Variants in GAK observed in about 807,000 individuals in gnomAD.
GAK encodes the protein cyclin G associated kinase.
GAK carries 79 observed loss-of-function variants against 143.9 expected under a neutral mutation model. The ratio of observed to expected loss-of-function variants is 0.55; its 90% CI spans 0.46 to 0.66. The LOEUF is 0.66. GAK is among the 30% of genes least tolerant of loss of function. GAK has a pLI of 0.00. For synonymous variants in GAK, 881 were observed against 765.5 expected (o/e 1.15, Z -2.49); for missense variants, 1,693 against 1,779.7 (o/e 0.95, Z 0.88).
At position 907,879 on chromosome 4, in the gene GAK, G is replaced by A. The variant is rs540274414; in HGVS notation, c.383-3100C>T. On this transcript the variant is annotated intron_variant, in intron 4 of 27. Transcript: ENST00000314167. ...AGTCCCCAGGAGTGAGCTGGCGCGC[G>A]CATGCGTTAGTCTGCCTCGTGTATT... is the stretch of plus-strand genomic sequence containing the variant. Among the ~76,000 whole-genome samples, 493 of 152,292 alleles carry A rather than the reference G, an allele frequency of 3.2e-3. 7 individuals are homozygous for A. The highest frequency in any genetic ancestry group is 0.012 in the African/African-American group (479 of 41,580).
At chr4:899,698 G>C (rs1719495854) in intron 5 of GAK, among the ~76,000 whole-genome samples, 1 of 152,224 alleles carries the variant, frequency 6.6e-6, no homozygotes, top group Non-Finnish European at 1.5e-5. Context: ...TGGCATCCAA[G>C]AGTGCAAGGG....
At chr4:925,906 CACAG>C in intron 1 of GAK, among the ~76,000 whole-genome samples, 1 of 152,202 alleles carries the variant, frequency 6.6e-6, no homozygotes, top group Non-Finnish European at 1.5e-5. Flanking sequence ...TGCGCACCCA[CACAG>C]ACAACCATGA....
At chr4:892,439 A>C (rs1419217279) in intron 9 of GAK, among the ~76,000 whole-genome samples, 2 of 152,152 alleles carry the variant, frequency 1.3e-5, no homozygotes, top group Non-Finnish European at 2.9e-5. Flanking sequence ...TGCCTCGAGG[A>C]TCTGGTGATG....
intron 1 of GAK, among the ~76,000 whole-genome samples, chr4:930,643 T>C (rs913706915): frequency 3.3e-5 from 5 of 151,798 alleles, no homozygotes; most frequent in Non-Finnish European, 7.4e-5. Flanking sequence ...AATAAACTTC[T>C]TAAAGAATGA....
chr4:864,806 G>A (rs1334708854), intron 23 of GAK, among the ~76,000 whole-genome samples: 1 of 152,232 alleles, frequency 6.6e-6, no homozygotes, highest in East Asian at 1.9e-4. Context: ...AGAGTGTGGG[G>A]CATGAAATCG....
At chr4:872,248 C>T (rs2152771334) in intron 18 of GAK, 1 of 152,434 alleles carries the variant, frequency 6.6e-6, no homozygotes, top group East Asian at 1.9e-4. Context: ...CCTGTGCCCG[C>T]CCTGAGGGGT....
At chr4:881,119 G>A (rs760383071) in intron 15 of GAK, among the ~76,000 whole-genome samples, 44 of 152,200 alleles carry the variant, frequency 2.9e-4, no homozygotes, top group Non-Finnish European at 4.3e-4. Context: ...CCCTCGCCCC[G>A]TCCACAGGCT....
At chr4:854,796 A>G (rs1449878540) in intron 24 of GAK, among the ~76,000 whole-genome samples, 7 of 152,244 alleles carry the variant, frequency 4.6e-5, no homozygotes, top group Non-Finnish European at 1.0e-4. Flanking sequence ...CTGTAATCCC[A>G]GCACTTTGGG....
rs371596915 is a variant in GAK at position 868,622 on chromosome 4, G to T, written c.2312C>A (p.Pro771Gln). The T allele has an allele frequency of 6.3e-7, 1 of 1,578,894 alleles. No homozygotes were observed. Among genetic ancestry groups the T allele is most frequent in the Admixed American group, 1.8e-5 (1 of 54,976 alleles). Residue 771 changes from proline (P) to glutamine (Q), a missense_variant, in exon 20 of 28, where the codon CCG becomes CAG. Pro to Gln is a moderately conservative substitution (Grantham distance 76). This residue lies in a region of GAK where 822 missense variants were observed against 788.7 expected (regional missense o/e 1.04). Transcript: ENST00000314167. Reference protein sequence around the residue: ...TAQYDAGAGSPEAEPTDSDSP... With the variant: ...TAQYDAGAGSQEAEPTDSDSP... ...GTCAGAGTCTGTGGGTTCGGCTTCC[G>T]GGGACCCTGCCCCAGCATCATACTG...
At chr4:915,252 G>A (rs62297086) in intron 1 of GAK, among the ~76,000 whole-genome samples, 48,577 of 151,868 alleles carry the variant, frequency 0.32, 7,845 homozygotes, top group Non-Finnish European at 0.34. Context: ...CAGCGTGCGC[G>A]GCCCCAGTGC....
intron 1 of GAK, among the ~76,000 whole-genome samples, chr4:923,461 G>C (rs1271173979): frequency 1.3e-5 from 2 of 152,082 alleles, no homozygotes; most frequent in Non-Finnish European, 2.9e-5. Flanking sequence ...TTGAGCCCAG[G>C]AGTTCTGAGA....
Position 867,059 on chromosome 4 carries a change from C to G in GAK, c.2769G>C (p.Gln923His). ...CGCTGAGCAGATCCTCCGGGGGCCC[C>G]TGGGAGGCGGCCTCAGGGGGCCCAA... ...CLLGPPEAAS[Q>H]GPPEDLLSED... Residue 923 changes from glutamine (Q) to histidine (H), a missense_variant, in exon 21 of 28, where the codon CAG becomes CAC. Physicochemically the swap from Gln to His is conservative, Grantham distance 24. Around this residue, in one of 2 missense-constraint regions of GAK, gnomAD observed 822 missense variants for 788.7 expected, o/e 1.04. Transcript: ENST00000314167. 6.6e-7 allele frequency: 1 copy of G among 1,526,054 alleles called. No individual in the cohort carries two copies. Among genetic ancestry groups the G allele is most frequent in the Non-Finnish European group, 8.8e-7 (1 of 1,137,364 alleles). 94.5% of individuals were successfully genotyped at this position (1,526,054 alleles called of 1,614,324 possible).
chr4:897,920 G>C (rs1303488872), intron 6 of GAK, 113 bp downstream of exon 6: 9 of 1,271,406 alleles, frequency 7.1e-6, no homozygotes, highest in Non-Finnish European at 9.5e-6. Flanking sequence ...CTGCACTCCA[G>C]CCTGGTGACA....
At chr4:877,051 G>A (rs942167347) in intron 17 of GAK, 39 bp downstream of exon 17, 13 of 1,402,202 alleles carry the variant, frequency 9.3e-6, no homozygotes, top group African/African-American at 2.8e-5. Flanking sequence ...GAGCCTAGGC[G>A]TGAGTGGGGA....
In GAK at chr4:893,921, G is replaced by T. The variant is rs760610274; in HGVS notation, c.830C>A (p.Ser277Ter). 6.2e-7 allele frequency: 1 copy of T among 1,612,508 alleles called. No individual in the cohort carries two copies. Among genetic ancestry groups the T allele is most frequent in the Non-Finnish European group, 8.5e-7 (1 of 1,179,464 alleles). The change falls in exon 8 of 28, where the codon TCG becomes TAG. Residue 277 changes from serine to a stop codon, truncating the protein, a stop_gained. Transcript: ENST00000314167. LOFTEE classifies it high-confidence loss of function. ...GTACTGCGTGTCGTGCGGGGGGATC[G>T]AGTACTTCCCATTGACTATTCGAAG... ...AKLRIVNGKY[S>*]IPPHDTQYTV...
intron 11 of GAK, 145 bp downstream of exon 11, chr4:888,702 G>A: frequency 3.2e-6 from 3 of 936,818 alleles, no homozygotes; most frequent in East Asian, 2.7e-5. Flanking sequence ...CTCCCTGGGA[G>A]AAGCGGGTGA....
At chr4:905,443 C>T (rs879562379) in intron 4 of GAK, among the ~76,000 whole-genome samples, 19 of 150,924 alleles carry the variant, frequency 1.3e-4, no homozygotes, top group East Asian at 3.9e-4. Flanking sequence ...TGCCACGCCG[C>T]GCCACGCTAG....
chr4:911,996 C>A (rs908989328), intron 3 of GAK: 3 of 514,064 alleles, frequency 5.8e-6, no homozygotes, highest in African/African-American at 1.9e-5. Context: ...CAGGAGAGGG[C>A]GGGGACAAAG....
At chr4:873,832 G>C (rs1013311797) in intron 18 of GAK, among the ~76,000 whole-genome samples, 1 of 152,190 alleles carries the variant, frequency 6.6e-6, no homozygotes, top group South Asian at 2.1e-4. Context: ...TTTTGTGTGA[G>C]CTTGGTTTTT....
Sources: gnomAD v4.1 joint callset for allele counts (sites outside exome capture counted in the v4.1 genomes callset) on GRCh38, gnomAD v4.1.1 for gene constraint, gnomAD v4.1.1 regional missense constraint, MANE v1.5 for transcripts, NCBI Gene and HGNC (gene_info 2026-07-23, HGNC 2026-07-21) for gene names.